The following HPSE2 variants were observed in gnomAD, a reference collection of about 807,000 sequenced individuals.
HPSE2 encodes the protein inactive heparanase-2.
A neutral mutation model predicts 60.5 loss-of-function variants in HPSE2; 38 were observed. That is an observed-to-expected ratio of 0.63 (90% confidence interval 0.48 to 0.82). The LOEUF (loss-of-function observed/expected upper bound fraction) is 0.82. Ranked by LOEUF, HPSE2 falls within the 40% of genes least tolerant of loss-of-function variation. The probability of loss-of-function intolerance (pLI) is 0.00; values close to 1 mark genes in which losing one functional copy is unlikely to be tolerated. For synonymous variants in HPSE2, 295 were observed against 293.2 expected (o/e 1.01, Z -0.06); for missense variants, 713 against 740.4 (o/e 0.96, Z 0.43).
At chr10:99,112,412 GTTGTGTT>G (rs1844500376) in intron 3 of HPSE2, among the ~76,000 whole-genome samples, 1 of 87,926 alleles carries the variant, frequency 1.1e-5, no homozygotes, top group Non-Finnish European at 2.9e-5. Context: ...GCTTTTTTTT[GTTGTGTT>G]TTGTTTTGTT....
intron 5 of HPSE2, among the ~76,000 whole-genome samples, chr10:98,717,760 G>C (rs1007452814): frequency 6.6e-6 from 1 of 151,998 alleles, no homozygotes; most frequent in Non-Finnish European, 1.5e-5. Flanking sequence ...GAAAAAACGT[G>C]AAATGTTGCA....
At chr10:98,696,552 A>G (rs1948223568) in intron 5 of HPSE2, among the ~76,000 whole-genome samples, 1 of 151,908 alleles carries the variant, frequency 6.6e-6, no homozygotes, top group Non-Finnish European at 1.5e-5. Context: ...GTGTAAACCC[A>G]TGGATTGGAA....
chr10:99,029,905 G>A lies in HPSE2; in HGVS notation c.610+114333C>T, dbSNP rs117612003. Among the ~76,000 whole-genome samples, 261 of 152,296 alleles carry A rather than the reference G, an allele frequency of 1.7e-3. 2 individuals are homozygous for A. In the East Asian group the frequency reaches 0.024, roughly 14 times the overall value. ...TCCCTTTCCCAGTCTGCTAAGTAGC[G>A]GATGTTGTTCCTTGACACTTTTCGC... On this transcript the variant is annotated intron_variant, in intron 3 of 11. Coordinates refer to ENST00000370552, the MANE Select transcript of HPSE2 (RefSeq NM_021828.5).
intron 11 of HPSE2, among the ~76,000 whole-genome samples, chr10:98,471,571 T>G (rs1164112408): frequency 6.6e-6 from 1 of 152,178 alleles, no homozygotes; most frequent in Non-Finnish European, 1.5e-5. Context: ...AGATATGAAC[T>G]TTCCAAAGAC....
the HPSE2 span, among the ~76,000 whole-genome samples, chr10:99,309,886 G>A: frequency 6.6e-6 from 1 of 152,096 alleles, no homozygotes; most frequent in Non-Finnish European, 1.5e-5. Context: ...AGTTTCCTGT[G>A]GCTGCTGTAA....
intron 3 of HPSE2, among the ~76,000 whole-genome samples, chr10:98,840,894 T>G (rs530970719): frequency 2.0e-5 from 3 of 152,232 alleles, no homozygotes; most frequent in Non-Finnish European, 1.5e-5. Context: ...CAGCATTGGA[T>G]TATTCACAAT....
intron 3 of HPSE2, among the ~76,000 whole-genome samples, chr10:98,792,514 G>A (rs962318892): frequency 6.6e-6 from 1 of 151,958 alleles, no homozygotes; most frequent in African/African-American, 2.4e-5. Flanking sequence ...CCTTCTTACT[G>A]AATTGGAAAG....
At chr10:98,926,278 C>G (rs1472685341) in intron 3 of HPSE2, among the ~76,000 whole-genome samples, 1 of 151,910 alleles carries the variant, frequency 6.6e-6, no homozygotes, top group East Asian at 1.9e-4. Context: ...GGGAGGAGGT[C>G]TGAAGGTCAA....
chr10:98,465,358 C>A (rs1296525826), intron 11 of HPSE2, among the ~76,000 whole-genome samples: 2 of 152,148 alleles, frequency 1.3e-5, no homozygotes, highest in African/African-American at 4.8e-5. Flanking sequence ...ATGAGCAAAT[C>A]AAAGTTTAGA....
At chr10:99,143,340 A>T (rs958717902) in intron 3 of HPSE2, among the ~76,000 whole-genome samples, 26 of 152,300 alleles carry the variant, frequency 1.7e-4, no homozygotes, top group African/African-American at 6.0e-4. Flanking sequence ...ACATGCCAAG[A>T]AGTCTGTAAA....
chr10:99,166,901 G>A (rs1295254344), intron 2 of HPSE2, among the ~76,000 whole-genome samples: 5 of 149,748 alleles, frequency 3.3e-5, no homozygotes, highest in African/African-American at 1.2e-4. Context: ...TTTCATTAAA[G>A]GGTCTTTCAC....
intron 3 of HPSE2, 72 bp from the exon 4 acceptor site, chr10:98,744,128 T>C (rs1219577940): frequency 1.6e-5 from 22 of 1,401,756 alleles, no homozygotes; most frequent in Non-Finnish European, 2.0e-5. Flanking sequence ...GTAGCTAATA[T>C]AAAAAGCCTT....
chr10:98,703,172 A>G (rs970568225), intron 5 of HPSE2, among the ~76,000 whole-genome samples: 2 of 152,202 alleles, frequency 1.3e-5, no homozygotes, highest in African/African-American at 2.4e-5. Context: ...ACACAAACAA[A>G]CTTGAAAATC....
intron 2 of HPSE2, among the ~76,000 whole-genome samples, chr10:99,197,963 C>T (rs563004636): frequency 1.8e-4 from 27 of 151,694 alleles, no homozygotes; most frequent in South Asian, 1.3e-3. Context: ...CCCAGCAACT[C>T]GGGAGGCTGA....
intron 9 of HPSE2, among the ~76,000 whole-genome samples, chr10:98,523,824 A>G (rs571677211): frequency 2.6e-5 from 4 of 152,206 alleles, no homozygotes; most frequent in Non-Finnish European, 5.9e-5. Flanking sequence ...TGCCTCAGTA[A>G]AGTTTCCTTG....
intron 3 of HPSE2, among the ~76,000 whole-genome samples, chr10:98,972,746 T>A (rs1042161075): frequency 2.0e-5 from 3 of 152,188 alleles, no homozygotes; most frequent in Admixed American, 6.5e-5. Flanking sequence ...ACTAAAAGCT[T>A]GATTACAAAT....
At chr10:98,711,197 T>C (rs1157225814) in intron 5 of HPSE2, among the ~76,000 whole-genome samples, 3 of 151,994 alleles carry the variant, frequency 2.0e-5, no homozygotes, top group Admixed American at 6.6e-5. Flanking sequence ...GCTGAGGAAG[T>C]TGTAAAGACT....
At chr10:98,504,737 C>T (rs1037467526) in intron 9 of HPSE2, among the ~76,000 whole-genome samples, 30 of 148,880 alleles carry the variant, frequency 2.0e-4, no homozygotes, top group Non-Finnish European at 2.8e-4. Flanking sequence ...TTGCAGTGAG[C>T]TGAGATCGCA....
rs187131354 is a variant in HPSE2, at chr10:98,597,842, G to A, written c.1320+17062C>T. 4.3e-3 allele frequency among the ~76,000 whole-genome samples: 649 copies of A among 151,218 alleles called. 2 individuals are homozygous for A. The highest frequency in any genetic ancestry group is 0.015 in the African/African-American group (624 of 41,164). ...AAAAATTAGCTGGGCATGGTGGTGC[G>A]TGGCTGTAATCCAAGCTACTCAGGA... On this transcript the variant is annotated intron_variant, in intron 9 of 11. Transcript: ENST00000370552.
Sources: gnomAD v4.1 joint callset for allele counts (sites outside exome capture counted in the v4.1 genomes callset) on GRCh38, gnomAD v4.1.1 for gene constraint, MANE v1.5 for transcripts, NCBI Gene and HGNC (gene_info 2026-07-23, HGNC 2026-07-21) for gene names.